DNAH8: variants seen among roughly 807,000 people sequenced by gnomAD.
DNAH8 encodes dynein axonemal heavy chain 8, also known as axonemal beta dynein heavy chain 8.
A neutral mutation model predicts 562.1 loss-of-function variants in DNAH8; 382 were observed. That is an observed-to-expected ratio of 0.68 (90% CI 0.63 to 0.74). DNAH8 has a LOEUF of 0.74. Among genes scored for constraint, DNAH8 ranks in the 30% least tolerant of loss-of-function variants. DNAH8 has a pLI of 0.00. For missense variants in DNAH8, 5,203 were observed against 5,620.4 expected (o/e 0.93, Z 2.37); for synonymous variants, 1,881 against 1,919.4 (o/e 0.98, Z 0.52).
At chr6:38,980,357 C>G (rs1202599664) in intron 85 of DNAH8, among the ~76,000 whole-genome samples, 1 of 152,120 alleles carries the variant, frequency 6.6e-6, no homozygotes, top group Non-Finnish European at 1.5e-5. Flanking sequence ...AATGCTGGGA[C>G]TAGGAAGCAG....
chr6:38,925,944 A>G, intron 73 of DNAH8, 111 bp from the exon 74 acceptor site: 1 of 1,081,032 alleles, frequency 9.3e-7, no homozygotes, highest in Non-Finnish European at 1.3e-6. Context: ...CATAGTCTCA[A>G]AGGAAAATAA....
At chr6:38,918,248 T>A in intron 70 of DNAH8, 108 bp downstream of exon 70, 1 of 727,436 alleles carries the variant, frequency 1.4e-6, no homozygotes, top group South Asian at 2.5e-5. Context: ...AAGGTAGATG[T>A]CCCTGTTACC....
intron 1 of DNAH8, among the ~76,000 whole-genome samples, chr6:38,720,031 C>T (rs1220944245): frequency 2.6e-5 from 4 of 152,074 alleles, no homozygotes; most frequent in African/African-American, 9.7e-5. Flanking sequence ...AACCTCTAAG[C>T]AGATGGTAAG....
chr6:38,957,244 T>G (rs1323748926), intron 82 of DNAH8, among the ~76,000 whole-genome samples: 1 of 151,108 alleles, frequency 6.6e-6, no homozygotes, highest in Non-Finnish European at 1.5e-5. Flanking sequence ...ATACACACAA[T>G]GCACCCAACA....
intron 21 of DNAH8, among the ~76,000 whole-genome samples, chr6:38,798,618 G>A (rs1770511267): frequency 6.6e-6 from 1 of 152,256 alleles, no homozygotes; most frequent in Admixed American, 6.5e-5. Flanking sequence ...CATCTGTGCA[G>A]TGGAATGTGT....
In DNAH8 at chr6:38,921,442, A is replaced by G; in HGVS notation, c.10598A>G (p.Asp3533Gly). The change falls in exon 71 of 93, where the codon GAT (aspartate) becomes GGT (glycine). Residue 3533 changes from aspartate (D) to glycine (G), a missense_variant. By Grantham distance (94) the Asp-to-Gly change is moderately conservative. This residue lies in a region of DNAH8 where 1,399 missense variants were observed against 1,518.4 expected (regional missense o/e 0.92). Transcript: ENST00000327475. Reference protein sequence around the residue: ...AELGKAQALLDEKQAELDKVQ... With the variant: ...AELGKAQALLGEKQAELDKVQ... ...TTAGGGAAGGCACAAGCCCTGCTGG[A>G]TGAGAAGCAAGCTGAGCTGGATAAA... 2 of 1,613,828 alleles carry G rather than the reference A, an allele frequency of 1.2e-6. No homozygotes were observed. Among genetic ancestry groups the G allele is most frequent in the Non-Finnish European group, 1.7e-6 (2 of 1,179,890 alleles).
chr6:38,785,049 G>T (rs1354130944), intron 17 of DNAH8, among the ~76,000 whole-genome samples: 2 of 152,132 alleles, frequency 1.3e-5, no homozygotes, highest in Non-Finnish European at 2.9e-5. Context: ...TCATTGCAGT[G>T]GATTGATGTC....
At chr6:38,909,772 CTATGGA>C (rs1780744687) in intron 65 of DNAH8, 28 bp downstream of exon 65, 1 of 1,559,062 alleles carries the variant, frequency 6.4e-7, no homozygotes, top group Non-Finnish European at 8.8e-7. Context: ...AGCACCATCG[CTATGGA>C]ACCACAGCAT....
chr6:38,769,327 G>T (rs72849154), intron 11 of DNAH8, among the ~76,000 whole-genome samples: 18,516 of 152,106 alleles, frequency 0.12, 1,379 homozygotes, highest in Admixed American at 0.22. Context: ...CTGCCAACCC[G>T]TCATCTACAT....
In DNAH8 at chr6:38,845,866, T is replaced by TA. The variant is rs11437275; in HGVS notation, c.5045+93_5045+94insA. On this transcript the variant is annotated intron_variant, in intron 36 of 92. Transcript: ENST00000327475. ...TCAGTTTTAAAGCTCTTTCATTGGA[T>TA]GGATTCTGCACTAAATTTGGTATTA... 0.16 allele frequency: 171,138 copies of TA among 1,047,226 alleles called. 16,791 individuals carry two copies. The highest frequency in any genetic ancestry group is 0.37 in the African/African-American group (23,048 of 62,490). 64.9% of individuals were successfully genotyped at this position (1,047,226 alleles called of 1,614,324 possible).
intron 24 of DNAH8, 50 bp downstream of exon 24, chr6:38,807,766 A>G: frequency 1.1e-6 from 1 of 921,912 alleles, no homozygotes; most frequent in Non-Finnish European, 1.6e-6. Context: ...TTATAATGTG[A>G]ATAGCACCTC....
chr6:38,771,656 T>C (rs1767589244), intron 12 of DNAH8, among the ~76,000 whole-genome samples: 1 of 152,230 alleles, frequency 6.6e-6, no homozygotes, highest in African/African-American at 2.4e-5. Flanking sequence ...ATGTGGTCTT[T>C]TGTGGCTACT....
chr6:38,756,113 C>T, intron 10 of DNAH8, 34 bp downstream of exon 10: 2 of 1,331,652 alleles, frequency 1.5e-6, no homozygotes, highest in Non-Finnish European at 2.2e-6. Context: ...ACATGTCATC[C>T]TGTGAAAAAG....
intron 82 of DNAH8, among the ~76,000 whole-genome samples, chr6:38,955,006 C>G (rs913504297): frequency 2.6e-5 from 4 of 152,184 alleles, no homozygotes; most frequent in Non-Finnish European, 5.9e-5. Flanking sequence ...CCCACTCTGT[C>G]ACCCAGGCTG....
chr6:38,863,355 A>C (rs1413248478), intron 44 of DNAH8, among the ~76,000 whole-genome samples: 1 of 151,850 alleles, frequency 6.6e-6, no homozygotes. Flanking sequence ...TGAACCCGGG[A>C]GGCGGAGGTT....
At position 38,843,235 on chromosome 6, in the gene DNAH8, C is replaced by T. The variant is rs552438323; in HGVS notation, c.4845+332C>T. Among the ~76,000 whole-genome samples, 38 of 151,552 alleles carry T rather than the reference C, an allele frequency of 2.5e-4. No individual in the cohort carries two copies. The South Asian group carries it at 7.9e-3, about 32-fold the overall frequency. ...TGGTGAATCCCTCTGAACTATTTTC[C>T]AAATTTCTAATTTTATGCTTTTTCC... On this transcript the variant is annotated intron_variant, in intron 35 of 92. Transcript: ENST00000327475.
intron 67 of DNAH8, 71 bp downstream of exon 67, chr6:38,914,023 T>C (rs1390865339): frequency 3.4e-6 from 4 of 1,174,666 alleles, no homozygotes; most frequent in Non-Finnish European, 3.8e-6. Context: ...TTTAAAATGG[T>C]ACTAAAGAAC....
intron 62 of DNAH8, among the ~76,000 whole-genome samples, chr6:38,904,400 G>A (rs971122276): frequency 6.6e-6 from 1 of 152,268 alleles, no homozygotes; most frequent in East Asian, 1.9e-4. Context: ...TCCCAACATA[G>A]AGAAAGGGGG....
intron 9 of DNAH8, among the ~76,000 whole-genome samples, chr6:38,751,259 C>T (rs1447858766): frequency 1.3e-5 from 2 of 152,194 alleles, no homozygotes; most frequent in Non-Finnish European, 2.9e-5. Flanking sequence ...ACTTGCTTCC[C>T]TTGGAGTGAG....
Sources: gnomAD v4.1 joint callset for allele counts (sites outside exome capture counted in the v4.1 genomes callset) on GRCh38, gnomAD v4.1.1 for gene constraint, gnomAD v4.1.1 regional missense constraint, MANE v1.5 for transcripts, NCBI Gene and HGNC (gene_info 2026-07-23, HGNC 2026-07-21) for gene names.